CAST: variants seen among roughly 807,000 people sequenced by gnomAD.
The protein encoded by CAST is calpastatin, also known as MIR583 host.
CAST carries 76 observed loss-of-function variants against 119.6 expected under a neutral mutation model. The ratio of observed to expected loss-of-function variants is 0.64; its 90% CI spans 0.53 to 0.77. The LOEUF is 0.77. Among genes scored for constraint, CAST ranks in the 30% least tolerant of loss-of-function variants. The pLI is 0.00. For missense variants in CAST, 953 were observed against 946.5 expected, an observed-to-expected ratio of 1.01 and a Z score of -0.09; for synonymous variants, 319 against 331.6, an observed-to-expected ratio of 0.96 and a Z score of 0.41.
At chr5:96,155,992 A>G in the CAST span, among the ~76,000 whole-genome samples, 1 of 152,228 alleles carries the variant, frequency 6.6e-6, no homozygotes, top group Non-Finnish European at 1.5e-5. Context: ...GACAGCAGCT[A>G]TTCACCAACC....
chr5:96,741,681 T>C (rs1762714511), intron 15 of CAST, 101 bp downstream of exon 15: 5 of 754,148 alleles, frequency 6.6e-6, no homozygotes, highest in Non-Finnish European at 9.1e-6. Flanking sequence ...GAAGCCATGA[T>C]TTTTTCCCTC....
At chr5:96,311,191 G>GT in the CAST span, among the ~76,000 whole-genome samples, 1 of 151,886 alleles carries the variant, frequency 6.6e-6, no homozygotes, top group African/African-American at 2.4e-5. Flanking sequence ...TGATTCATTG[G>GT]TTTTTCAGGA....
the CAST span, among the ~76,000 whole-genome samples, chr5:96,363,843 G>T: frequency 6.6e-6 from 1 of 152,034 alleles, no homozygotes. Flanking sequence ...AGGCCTGATT[G>T]CCCTGGCCAG....
At chr5:96,024,638 G>A in the CAST span, among the ~76,000 whole-genome samples, 1 of 151,704 alleles carries the variant, frequency 6.6e-6, no homozygotes, top group South Asian at 2.1e-4. Context: ...TCTGTTACTA[G>A]GACCTCTACT....
intron 24 of CAST, 60 bp downstream of exon 24, chr5:96,757,714 G>A (rs1766643035): frequency 8.9e-7 from 1 of 1,129,196 alleles, no homozygotes; most frequent in Non-Finnish European, 1.3e-6. Flanking sequence ...CCTTTGAGAT[G>A]GAGTCTTGCT....
At chr5:96,250,671 T>G in the CAST span, among the ~76,000 whole-genome samples, 1 of 151,996 alleles carries the variant, frequency 6.6e-6, no homozygotes. Flanking sequence ...ATTCTACTAA[T>G]AAGCTGAAAG....
intron 3 of CAST, 106 bp downstream of exon 3, chr5:96,696,013 G>A (rs1350899913): frequency 3.5e-6 from 2 of 571,614 alleles, no homozygotes; most frequent in Non-Finnish European, 6.2e-6. Flanking sequence ...TATCACTGAA[G>A]GTTTTTTAAC....
the CAST span, among the ~76,000 whole-genome samples, chr5:96,379,077 C>T: frequency 6.6e-6 from 1 of 152,100 alleles, no homozygotes; most frequent in Non-Finnish European, 1.5e-5. Context: ...GCCAAAATTT[C>T]TATTTCCTTA....
chr5:96,456,015 G>C, the CAST span, among the ~76,000 whole-genome samples: 1 of 152,136 alleles, frequency 6.6e-6, no homozygotes, highest in Admixed American at 6.5e-5. Flanking sequence ...AACAGAAAAT[G>C]AAAGTGAGGA....
the CAST span, among the ~76,000 whole-genome samples, chr5:96,330,517 ATTAC>A: frequency 6.6e-6 from 1 of 152,144 alleles, no homozygotes; most frequent in African/African-American, 2.4e-5. Context: ...TCGTTTTATT[ATTAC>A]TTCTTCTCAC....
At chr5:96,324,486 C>G in the CAST span, among the ~76,000 whole-genome samples, 1 of 152,188 alleles carries the variant, frequency 6.6e-6, no homozygotes, top group Non-Finnish European at 1.5e-5. Context: ...CTTAGACACA[C>G]ATGAGACATA....
chr5:96,469,612 A>C, the CAST span, among the ~76,000 whole-genome samples: 1 of 151,942 alleles, frequency 6.6e-6, no homozygotes, highest in African/African-American at 2.4e-5. Flanking sequence ...TTCTCTTACC[A>C]ATGGAGAAAA....
chr5:96,052,158 C>G, the CAST span, among the ~76,000 whole-genome samples: 1 of 152,188 alleles, frequency 6.6e-6, no homozygotes, highest in African/African-American at 2.4e-5. Context: ...GGGTCATACA[C>G]TGATTGATGG....
the CAST span, among the ~76,000 whole-genome samples, chr5:96,157,029 ATCT>A: frequency 6.6e-6 from 1 of 152,186 alleles, no homozygotes. Flanking sequence ...CTTGTGACAA[ATCT>A]TCTGTTGTAT....
At chr5:96,643,855 G>A (rs551078990) in intron 1 of CAST, among the ~76,000 whole-genome samples, 154 of 151,964 alleles carry the variant, frequency 1.0e-3, no homozygotes, top group African/African-American at 3.5e-3. Flanking sequence ...CCTGGCAACT[G>A]AGCGAGACTT....
the CAST span, among the ~76,000 whole-genome samples, chr5:96,507,221 A>G: frequency 6.6e-6 from 1 of 151,946 alleles, no homozygotes; most frequent in Non-Finnish European, 1.5e-5. Flanking sequence ...CGTCGGGGAG[A>G]AGAGGTTGGG....
chr5:96,323,483 G>A, the CAST span, among the ~76,000 whole-genome samples: 1 of 152,286 alleles, frequency 6.6e-6, no homozygotes, highest in East Asian at 1.9e-4. Context: ...AGTATCGGGA[G>A]CTGCAAAGAA....
chr5:96,581,661 C>T (rs528173449), intron 1 of CAST, among the ~76,000 whole-genome samples: 3 of 152,250 alleles, frequency 2.0e-5, no homozygotes, highest in East Asian at 1.9e-4. Flanking sequence ...GAGGCCGAGA[C>T]GGGCGGATCA....
chr5:96,538,994 G>A (rs1745868445), intron 1 of CAST, among the ~76,000 whole-genome samples: 1 of 152,158 alleles, frequency 6.6e-6, no homozygotes, highest in African/African-American at 2.4e-5. Flanking sequence ...ATAGGAAATA[G>A]ACCACAGAAC....
Sources: allele counts gnomAD v4.1 joint callset (sites outside exome capture counted in the v4.1 genomes callset), GRCh38; gene constraint gnomAD v4.1.1; transcripts MANE v1.5; gene names NCBI Gene and HGNC (gene_info 2026-07-23, HGNC 2026-07-21).